Variants in INSR observed in about 807,000 individuals in gnomAD.
The protein encoded by INSR is insulin receptor, also known as IR.
Under a neutral mutation model 142.6 loss-of-function variants are expected in INSR, and 67 were observed. The observed-to-expected ratio is 0.47, with a 90% CI of 0.39 to 0.58. The LOEUF (loss-of-function observed/expected upper bound fraction) is 0.58, where lower values mean the gene tolerates loss of function less well. Ranked by LOEUF, INSR falls within the 20% of genes least tolerant of loss-of-function variation. The probability of loss-of-function intolerance (pLI) is 0.00; values close to 1 mark genes in which losing one functional copy is unlikely to be tolerated. For synonymous variants in INSR, 756 were observed against 743.1 expected, an observed-to-expected ratio of 1.02 and a Z score of -0.28; for missense variants, 1,248 against 1,833.2, an observed-to-expected ratio of 0.68 and a Z score of 5.83.
At chr19:7,208,381 C>T (rs1313297188) in intron 2 of INSR, among the ~76,000 whole-genome samples, 1 of 151,950 alleles carries the variant, frequency 6.6e-6, no homozygotes, top group East Asian at 1.9e-4. Context: ...AAGAGTTCTA[C>T]AGGATACAAA....
intron 1 of INSR, among the ~76,000 whole-genome samples, chr19:7,287,516 A>T (rs1323970858): frequency 6.6e-6 from 1 of 152,116 alleles, no homozygotes; most frequent in Non-Finnish European, 1.5e-5. Flanking sequence ...AAAAAAAAAA[A>T]ATCTCATTAT....
intron 4 of INSR, 39 bp from the exon 5 acceptor site, chr19:7,172,473 C>T (rs772664414): frequency 6.2e-7 from 1 of 1,604,304 alleles, no homozygotes; most frequent in South Asian, 1.1e-5. Context: ...TTTCTATAGA[C>T]ATATTTCAAT....
intron 2 of INSR, among the ~76,000 whole-genome samples, chr19:7,231,982 T>C (rs1975994296): frequency 9.7e-6 from 1 of 103,338 alleles, no homozygotes. Context: ...TGCATGAGGC[T>C]AACTATTTCT....
intron 2 of INSR, among the ~76,000 whole-genome samples, chr19:7,195,969 C>G (rs1298132797): frequency 1.4e-5 from 2 of 139,476 alleles, no homozygotes; most frequent in South Asian, 2.2e-4. Flanking sequence ...GAGTTTCGCT[C>G]TTGTTGCCCA....
intron 2 of INSR, among the ~76,000 whole-genome samples, chr19:7,235,300 C>T (rs568028719): frequency 6.6e-6 from 1 of 152,248 alleles, no homozygotes; most frequent in African/African-American, 2.4e-5. Flanking sequence ...GCTATGCTCT[C>T]CCCTCTCCAA....
At chr19:7,152,494 G>T in intron 10 of INSR, 1 of 586,778 alleles carries the variant, frequency 1.7e-6, no homozygotes, top group East Asian at 3.0e-5. Flanking sequence ...CAAATGCTGA[G>T]TTTTGTCCAT....
At chr19:7,178,719 A>AAAACAAAC (rs113438249) in intron 3 of INSR, among the ~76,000 whole-genome samples, 2 of 151,940 alleles carry the variant, frequency 1.3e-5, no homozygotes, top group African/African-American at 4.8e-5. Context: ...ACTCCGTCTC[A>AAAACAAAC]AAACAAACAA....
intron 1 of INSR, among the ~76,000 whole-genome samples, chr19:7,289,716 G>A (rs968243995): frequency 1.4e-4 from 22 of 151,972 alleles, no homozygotes; most frequent in Admixed American, 6.6e-5. Flanking sequence ...GAGGATTATT[G>A]AACAAAGAGA....
Position 7,184,364 on chromosome 19 carries a change from T to C in INSR, c.926A>G (p.Asn309Ser). ...GGAGGGACACTCAGGGATGCACTTG[T>C]TGTTGTGAATGACGTACTGGTGGCA... ...QGCHQYVIHNNKCIPECPSGY... is the reference protein window; with the variant it reads ...QGCHQYVIHNSKCIPECPSGY... The change falls in exon 3 of 22, where the codon AAC becomes AGC. Residue 309 changes from asparagine to serine, a missense_variant. This residue lies in a region of INSR where 1,069 missense variants were observed against 1,654.0 expected (regional missense o/e 0.65). Coordinates refer to ENST00000302850, the MANE Select transcript of INSR (RefSeq NM_000208.4). The C allele has an allele frequency of 6.2e-7, 1 of 1,613,966 alleles. No homozygotes were observed. Among genetic ancestry groups the C allele is most frequent in the Non-Finnish European group, 8.5e-7 (1 of 1,180,008 alleles).
intron 2 of INSR, among the ~76,000 whole-genome samples, chr19:7,252,064 C>T (rs1240679630): frequency 2.6e-5 from 4 of 151,580 alleles, no homozygotes; most frequent in Middle Eastern, 3.4e-3. Context: ...ACCTGAGGTC[C>T]GGAGTTCAAG....
chr19:7,258,353 G>GCCAGAATCCCCAGCTTCAAATCCCATC (rs1358166081), intron 2 of INSR, among the ~76,000 whole-genome samples: 1 of 150,662 alleles, frequency 6.6e-6, no homozygotes. Context: ...TGAGGTGGCA[G>GCCAGAATCCCCAGCTTCAAATCCCATC]TGGCCTATGA....
At chr19:7,202,822 GT>G (rs935046286) in intron 2 of INSR, among the ~76,000 whole-genome samples, 4 of 152,002 alleles carry the variant, frequency 2.6e-5, no homozygotes. Context: ...TTTTGTTTTT[GT>G]TTTTTTGGTT....
intron 9 of INSR, among the ~76,000 whole-genome samples, chr19:7,161,936 G>A (rs1044965922): frequency 6.6e-5 from 10 of 151,898 alleles, no homozygotes; most frequent in South Asian, 2.1e-4. Flanking sequence ...TAATCCCAGC[G>A]CTTTGGGAGG....
At position 7,150,657 on chromosome 19, in the gene INSR, C is replaced by T. The variant is rs1973314066; in HGVS notation, c.2232-125G>A. On this transcript the variant is annotated intron_variant, in intron 10 of 21. Transcript: ENST00000302850. This position sits in a 1 kb window ranked among gnomAD's most constrained non-coding sequence, Gnocchi z 4.2. ...ACCCTGGCTTTGACCCTGGACCACT[C>T]GCTCCCATCACTTGCTAGACGGAGT... 3.6e-6 allele frequency: 3 copies of T among 830,490 alleles called. No individual in the cohort carries two copies. Among genetic ancestry groups the T allele is most frequent in the Non-Finnish European group, 6.2e-6 (3 of 486,246 alleles). 51.4% of individuals were successfully genotyped at this position (830,490 alleles called of 1,614,324 possible). A position where few individuals can be genotyped will look rare whatever the true frequency, so the allele number is the denominator to read the frequency against.
chr19:7,176,387 G>A (rs1417477898), intron 3 of INSR, among the ~76,000 whole-genome samples: 1 of 152,190 alleles, frequency 6.6e-6, no homozygotes, highest in African/African-American at 2.4e-5. Flanking sequence ...GATCACTTCA[G>A]GCCAGGAGTT....
intron 2 of INSR, among the ~76,000 whole-genome samples, chr19:7,242,544 C>G (rs1051764257): frequency 1.3e-5 from 2 of 151,316 alleles, no homozygotes; most frequent in African/African-American, 4.9e-5. Flanking sequence ...TCGAGACCAG[C>G]CTGGCCAACA....
chr19:7,164,139 C>T (rs567665514), intron 8 of INSR, among the ~76,000 whole-genome samples: 5 of 144,376 alleles, frequency 3.5e-5, no homozygotes, highest in African/African-American at 1.0e-4. Flanking sequence ...GCCTACAGGA[C>T]GGGGTTTCTC....
chr19:7,172,349 C>T lies in INSR; in HGVS notation c.1209G>A (p.Leu403=). Residue 403 remains leucine, a synonymous_variant, in exon 5 of 22, where the codon CTG becomes CTA. Transcript: ENST00000302850. Reference sequence around the variant, plus strand: ...ACTTCCGGAAGAAGGAAAGTGACACCAGAGCGTAGGATCGGCGGATTTTTA... The same window carrying T: ...ACTTCCGGAAGAAGGAAAGTGACACTAGAGCGTAGGATCGGCGGATTTTTA... ...GYLKIRRSYA[L]VSLSFFRKLR... is the part of the protein sequence containing the mutation. 2 of 1,614,132 alleles carry T rather than the reference C, an allele frequency of 1.2e-6. No individual in the cohort carries two copies. The highest frequency in any genetic ancestry group is 1.7e-6 in the Non-Finnish European group (2 of 1,180,012).
chr19:7,267,299 G>A lies in INSR; in HGVS notation c.652+46C>T. On this transcript the variant is annotated intron_variant, in intron 2 of 21. Coordinates refer to ENST00000302850, the MANE Select transcript of INSR (RefSeq NM_000208.4). This position sits in a 1 kb window ranked among gnomAD's most constrained non-coding sequence, Gnocchi z 6.3. ...GCCATAAAACATTTTAAGCTTTCTA[G>A]AACAAGGCACGAGACACTGCTTAGA... 1.3e-6 allele frequency: 2 copies of A among 1,592,978 alleles called. No homozygotes were observed. Among genetic ancestry groups the A allele is most frequent in the East Asian group, 4.5e-5 (2 of 44,792 alleles).
Sources: gnomAD v4.1 joint callset for allele counts (sites outside exome capture counted in the v4.1 genomes callset) on GRCh38, gnomAD v4.1.1 for gene constraint, gnomAD v4.1.1 regional missense constraint, Gnocchi (gnomAD v3.1) non-coding constraint, MANE v1.5 for transcripts, NCBI Gene and HGNC (gene_info 2026-07-23, HGNC 2026-07-21) for gene names.